MIPEP: variants seen among roughly 807,000 people sequenced by gnomAD.
MIPEP encodes the protein mitochondrial intermediate peptidase.
In MIPEP, 79 loss-of-function variants were observed where a neutral mutation model predicts 90.3. The ratio of observed to expected loss-of-function variants is 0.87; its 90% CI spans 0.73 to 1.05. MIPEP has a LOEUF of 1.05. MIPEP is among the 50% of genes least tolerant of loss of function. The pLI is 0.00. For missense variants in MIPEP, 940 were observed against 905.6 expected, an observed-to-expected ratio of 1.04 and a Z score of -0.49; for synonymous variants, 334 against 315.8, an observed-to-expected ratio of 1.06 and a Z score of -0.61.
intron 18 of MIPEP, among the ~76,000 whole-genome samples, chr13:23,748,163 C>T (rs1002188172): frequency 5.3e-5 from 8 of 152,326 alleles, no homozygotes; most frequent in Middle Eastern, 3.4e-3. Flanking sequence ...GCCTCAGCCT[C>T]CCAAGTAGCT....
intron 13 of MIPEP, among the ~76,000 whole-genome samples, chr13:23,837,227 G>C (rs1191535080): frequency 6.6e-6 from 1 of 152,132 alleles, no homozygotes; most frequent in Non-Finnish European, 1.5e-5. Context: ...TAACTCTGTG[G>C]GAGGTATTAA....
intron 18 of MIPEP, among the ~76,000 whole-genome samples, chr13:23,740,431 C>CAAA (rs5802249): frequency 8.1e-5 from 11 of 136,028 alleles, no homozygotes; most frequent in African/African-American, 2.1e-4. Context: ...TCTGTGGCCT[C>CAAA]AAAAAAAAAA....
chr13:23,876,180 G>A (rs1190952217), intron 4 of MIPEP, among the ~76,000 whole-genome samples: 2 of 152,094 alleles, frequency 1.3e-5, no homozygotes, highest in Non-Finnish European at 2.9e-5. Context: ...AACTAGAGAG[G>A]ATCCATCATC....
At chr13:23,762,190 CATG>C (rs974100504) in intron 16 of MIPEP, among the ~76,000 whole-genome samples, 21 of 150,892 alleles carry the variant, frequency 1.4e-4, no homozygotes, top group African/African-American at 4.4e-4. Context: ...TTTTTTTAAC[CATG>C]ATAACAACAC....
At chr13:23,822,047 T>C (rs1247497008) in intron 14 of MIPEP, among the ~76,000 whole-genome samples, 1 of 152,196 alleles carries the variant, frequency 6.6e-6, no homozygotes, top group African/African-American at 2.4e-5. Context: ...TTCACAGTGT[T>C]GGAAAAGCAA....
rs1953335349 is a variant in MIPEP at position 23,823,693 on chromosome 13, A to G, written c.1653+12547T>C. On this transcript the variant is annotated intron_variant, in intron 14 of 18. Transcript: ENST00000382172. ...AAAAATTTAAAATTAGCTGGGCATG[A>G]TAACAGGCCCTGTAGTCCTAGCTAC... Among the ~76,000 whole-genome samples, 5 of 152,262 alleles carry G rather than the reference A, an allele frequency of 3.3e-5. No homozygotes were observed. The South Asian group carries it at 1.0e-3, about 32-fold the overall frequency.
Position 23,809,906 on chromosome 13 carries a change from C to G in MIPEP, c.1672G>C (p.Val558Leu), listed in dbSNP as rs1200420943. 6.2e-7 allele frequency: 1 copy of G among 1,613,278 alleles called. No individual in the cohort carries two copies. The highest frequency in any genetic ancestry group is 2.2e-5 in the East Asian group (1 of 44,826). ...TTTTTAGATTCACAAAGACGAGACA[C>G]CATATTTTTTGGCAGTGGCTTGATA... ...QTGQPLPKNM[V>L]SRLCESKKVC... Residue 558 changes from valine to leucine, a missense_variant, in exon 15 of 19, where the codon GTG becomes CTG. Val to Leu is a conservative substitution (Grantham distance 32). Transcript: ENST00000382172.
intron 18 of MIPEP, among the ~76,000 whole-genome samples, chr13:23,733,644 T>C (rs1952228991): frequency 6.6e-6 from 1 of 152,188 alleles, no homozygotes; most frequent in Admixed American, 6.6e-5. Flanking sequence ...CCAAGGACTA[T>C]CTAGATGGTG....
chr13:23,738,889 G>A (rs1740036642), intron 18 of MIPEP, among the ~76,000 whole-genome samples: 1 of 152,136 alleles, frequency 6.6e-6, no homozygotes. Flanking sequence ...CTGGGGATAG[G>A]CCCAGTGACC....
chr13:23,881,779 A>G lies in MIPEP; in HGVS notation c.372T>C (p.Phe124=). 1.2e-6 allele frequency: 2 copies of G among 1,613,228 alleles called. No homozygotes were observed. The highest frequency in any genetic ancestry group is 2.2e-5 in the South Asian group (2 of 90,896). ...SLCRVADLAD[F]VKIAHPEPAF... The stretch of plus-strand genomic sequence containing the variant: ...CTGGCTCAGGGTGAGCGATTTTCAC[A>G]AAATCAGCCTAATAAAGGGGAAAGA... The change falls in exon 3 of 19, where the codon TTT becomes TTC. Residue 124 remains phenylalanine, a synonymous_variant. Transcript: ENST00000382172.
At chr13:23,880,809 G>T (rs1871243165) in intron 3 of MIPEP, among the ~76,000 whole-genome samples, 1 of 152,252 alleles carries the variant, frequency 6.6e-6, no homozygotes, top group Admixed American at 6.5e-5. Flanking sequence ...TGCACATCTT[G>T]AAGTGTTGGG....
At chr13:23,767,678 T>C (rs890983210) in intron 16 of MIPEP, among the ~76,000 whole-genome samples, 1 of 152,158 alleles carries the variant, frequency 6.6e-6, no homozygotes, top group Non-Finnish European at 1.5e-5. Flanking sequence ...GGTCTTGAAC[T>C]CCTGACCTCG....
At chr13:23,793,191 A>C (rs1229645614) in intron 16 of MIPEP, among the ~76,000 whole-genome samples, 1 of 152,274 alleles carries the variant, frequency 6.6e-6, no homozygotes, top group Non-Finnish European at 1.5e-5. Context: ...AATGTCCATC[A>C]GTAGTGGAAC....
At chr13:23,796,590 A>AC (rs1952964796) in intron 16 of MIPEP, among the ~76,000 whole-genome samples, 2 of 151,858 alleles carry the variant, frequency 1.3e-5, no homozygotes, top group East Asian at 1.9e-4. Flanking sequence ...ACTAAAAAAA[A>AC]AAAACAAAAA....
intron 15 of MIPEP, among the ~76,000 whole-genome samples, chr13:23,807,013 G>GCC (rs1953118877): frequency 6.6e-6 from 1 of 152,070 alleles, no homozygotes; most frequent in Non-Finnish European, 1.5e-5. Flanking sequence ...GGAGAGGTTG[G>GCC]AACTAGACTC....
chr13:23,838,131 A>G (rs1869136418), intron 12 of MIPEP, among the ~76,000 whole-genome samples: 1 of 151,932 alleles, frequency 6.6e-6, no homozygotes, highest in South Asian at 2.1e-4. Context: ...GGTACTTTCC[A>G]TGTCTCTTGG....
At chr13:23,747,246 C>T (rs760357214) in intron 18 of MIPEP, among the ~76,000 whole-genome samples, 25 of 152,150 alleles carry the variant, frequency 1.6e-4, no homozygotes, top group Non-Finnish European at 3.4e-4. Context: ...TGTCATTGTC[C>T]CTTTGCCTTT....
chr13:23,843,754 C>G (rs1869409317), intron 10 of MIPEP, among the ~76,000 whole-genome samples: 1 of 152,128 alleles, frequency 6.6e-6, no homozygotes, highest in African/African-American at 2.4e-5. Context: ...TGAACTCTGA[C>G]AGAGGGCAGT....
chr13:23,830,810 A>G (rs1249901813), intron 14 of MIPEP, among the ~76,000 whole-genome samples: 1 of 152,186 alleles, frequency 6.6e-6, no homozygotes, highest in Non-Finnish European at 1.5e-5. Flanking sequence ...AATTTTACAA[A>G]TAAGCAGCAG....
Sources: gnomAD v4.1 joint callset for allele counts (sites outside exome capture counted in the v4.1 genomes callset) on GRCh38, gnomAD v4.1.1 for gene constraint, MANE v1.5 for transcripts, NCBI Gene and HGNC (gene_info 2026-07-23, HGNC 2026-07-21) for gene names.